The following DLG2 variants were observed in gnomAD, a reference collection of about 807,000 sequenced individuals.
DLG2 encodes the protein disks large homolog 2.
DLG2 carries 45 observed loss-of-function variants against 132.5 expected under a neutral mutation model. The ratio of observed to expected loss-of-function variants is 0.34; its 90% confidence interval spans 0.27 to 0.44. The LOEUF (loss-of-function observed/expected upper bound fraction) is 0.44. Among genes scored for constraint, DLG2 ranks in the 20% least tolerant of loss-of-function variants. DLG2 has a pLI of 1.00. For synonymous variants in DLG2, 424 were observed against 419.6 expected (o/e 1.01, Z -0.13); for missense variants, 1,045 against 1,196.9 (o/e 0.87, Z 1.87).
intron 18 of DLG2, among the ~76,000 whole-genome samples, chr11:83,752,588 T>C (rs1367069533): frequency 6.6e-6 from 1 of 151,768 alleles, no homozygotes; most frequent in Non-Finnish European, 1.5e-5. Flanking sequence ...CCAGATAGAG[T>C]GGGTTCAAAG....
chr11:83,936,187 A>T (rs2081390131), intron 14 of DLG2, among the ~76,000 whole-genome samples: 1 of 152,236 alleles, frequency 6.6e-6, no homozygotes, highest in South Asian at 2.1e-4. Flanking sequence ...ATTCTCTACA[A>T]GAGGGTTGAA....
chr11:84,085,471 T>C (rs2096963612), intron 10 of DLG2, among the ~76,000 whole-genome samples: 1 of 152,180 alleles, frequency 6.6e-6, no homozygotes, highest in Non-Finnish European at 1.5e-5. Flanking sequence ...AGCTCTGAGT[T>C]TAACTGAAAC....
At chr11:84,347,107 G>A (rs56009826) in intron 7 of DLG2, among the ~76,000 whole-genome samples, 9,141 of 152,112 alleles carry the variant, frequency 0.06, 278 homozygotes, top group Non-Finnish European at 0.075. Context: ...CACTTCTCTG[G>A]TAGATGGCTG....
At chr11:84,629,576 C>A (rs1242979666) in intron 6 of DLG2, among the ~76,000 whole-genome samples, 1 of 152,200 alleles carries the variant, frequency 6.6e-6, no homozygotes, top group Non-Finnish European at 1.5e-5. Context: ...AGTTCAAGTT[C>A]TTCCTTAGGT....
intron 16 of DLG2, among the ~76,000 whole-genome samples, chr11:83,852,685 T>C (rs535980606): frequency 6.6e-6 from 1 of 152,236 alleles, no homozygotes; most frequent in East Asian, 1.9e-4. Flanking sequence ...ATCACAGGTG[T>C]TGTCCTGTAT....
intron 18 of DLG2, among the ~76,000 whole-genome samples, chr11:83,639,232 G>A (rs979208638): frequency 6.6e-5 from 10 of 152,234 alleles, no homozygotes; most frequent in African/African-American, 2.4e-4. Context: ...CATGCCCCTC[G>A]ATCAGTCACG....
intron 3 of DLG2, among the ~76,000 whole-genome samples, chr11:85,301,879 A>T (rs771814552): frequency 3.3e-5 from 5 of 152,228 alleles, no homozygotes; most frequent in African/African-American, 1.2e-4. Context: ...GCTATGGATG[A>T]TATAAGAAAA....
At chr11:83,684,861 T>C (rs371838017) in intron 18 of DLG2, among the ~76,000 whole-genome samples, 2 of 152,142 alleles carry the variant, frequency 1.3e-5, no homozygotes, top group Non-Finnish European at 2.9e-5. Flanking sequence ...ATAACTCTTA[T>C]ATTGTAGCAT....
chr11:84,409,219 C>T (rs1367594722), intron 7 of DLG2, among the ~76,000 whole-genome samples: 2 of 152,182 alleles, frequency 1.3e-5, no homozygotes, highest in Admixed American at 6.5e-5. Flanking sequence ...AAGCAGAGTG[C>T]ATGATTAACA....
intron 6 of DLG2, among the ~76,000 whole-genome samples, chr11:84,851,104 G>T (rs2082114581): frequency 1.3e-5 from 2 of 152,024 alleles, no homozygotes; most frequent in African/African-American, 4.8e-5. Flanking sequence ...TCAGCATCCA[G>T]AACATTACTT....
At chr11:85,045,127 T>C (rs1205506319) in intron 6 of DLG2, among the ~76,000 whole-genome samples, 2 of 152,048 alleles carry the variant, frequency 1.3e-5, no homozygotes, top group African/African-American at 4.8e-5. Context: ...ATGGAGCAGC[T>C]GGTCTCCAGT....
intron 6 of DLG2, among the ~76,000 whole-genome samples, chr11:84,914,932 A>ATTGAGGTATGTAAGTGGGTAGGCTAAATC (rs2154079667): frequency 6.6e-6 from 1 of 152,320 alleles, no homozygotes; most frequent in East Asian, 1.9e-4. Flanking sequence ...TATTAAGAAT[A>ATTGAGGTATGTAAGTGGGTAGGCTAAATC]TTGAGGTATG....
chr11:83,732,536 G>C (rs1232389764), intron 18 of DLG2, among the ~76,000 whole-genome samples: 3 of 152,106 alleles, frequency 2.0e-5, no homozygotes, highest in African/African-American at 7.2e-5. Context: ...TGAAATGATG[G>C]GGATCACAAC....
At chr11:83,916,726 G>C (rs1175586379) in intron 15 of DLG2, among the ~76,000 whole-genome samples, 1 of 152,122 alleles carries the variant, frequency 6.6e-6, no homozygotes, top group African/African-American at 2.4e-5. Flanking sequence ...CTTCCCTGAG[G>C]TAAACACTGT....
chr11:83,869,149 G>A (rs1050743995), intron 16 of DLG2, among the ~76,000 whole-genome samples: 26 of 152,176 alleles, frequency 1.7e-4, no homozygotes, highest in African/African-American at 5.3e-4. Context: ...GTTAGATCTG[G>A]GTTCTATGTA....
intron 6 of DLG2, among the ~76,000 whole-genome samples, chr11:84,578,659 G>A (rs1418040599): frequency 1.3e-5 from 2 of 152,136 alleles, no homozygotes; most frequent in African/African-American, 4.8e-5. Flanking sequence ...GACTTTACAG[G>A]CTCATAGGCA....
chr11:84,996,947 C>G (rs56017227), intron 6 of DLG2, among the ~76,000 whole-genome samples: 14,820 of 152,122 alleles, frequency 0.097, 965 homozygotes, highest in Non-Finnish European at 0.11. Flanking sequence ...TTTCTTCTTT[C>G]TAAAAAGGAG....
At chr11:85,303,554 C>A (rs2079743038) in intron 3 of DLG2, among the ~76,000 whole-genome samples, 1 of 152,144 alleles carries the variant, frequency 6.6e-6, no homozygotes, top group South Asian at 2.1e-4. Flanking sequence ...AGTCACAATG[C>A]AGCATAGCTA....
At chr11:84,982,160 A>T (rs2055847438) in intron 6 of DLG2, among the ~76,000 whole-genome samples, 1 of 152,042 alleles carries the variant, frequency 6.6e-6, no homozygotes, top group African/African-American at 2.4e-5. Flanking sequence ...TTCTTACTCT[A>T]TATTTGCTCT....
Sources: allele counts gnomAD v4.1 joint callset (sites outside exome capture counted in the v4.1 genomes callset), GRCh38; gene constraint gnomAD v4.1.1; transcripts MANE v1.5; gene names NCBI Gene and HGNC (gene_info 2026-07-23, HGNC 2026-07-21).